Variants in TAF2 observed in about 807,000 individuals in gnomAD.
TAF2 encodes the protein transcription initiation factor TFIID subunit 2.
A neutral mutation model predicts 138.5 loss-of-function variants in TAF2; 61 were observed. The ratio of observed to expected loss-of-function variants is 0.44; its 90% CI spans 0.36 to 0.54. The LOEUF is 0.54. TAF2 is among the 20% of genes least tolerant of loss of function. The pLI is 0.00. For missense variants in TAF2, 1,090 were observed against 1,427.9 expected, an observed-to-expected ratio of 0.76 and a Z score of 3.81; for synonymous variants, 475 against 469.9, an observed-to-expected ratio of 1.01 and a Z score of -0.14.
intron 3 of TAF2, among the ~76,000 whole-genome samples, chr8:119,817,354 G>A (rs1825545478): frequency 6.6e-6 from 1 of 152,074 alleles, no homozygotes; most frequent in South Asian, 2.1e-4. Flanking sequence ...GATTCTCATA[G>A]GAGCCCAAAC....
At chr8:119,807,502 T>C (rs1002483003) in intron 3 of TAF2, among the ~76,000 whole-genome samples, 12 of 152,330 alleles carry the variant, frequency 7.9e-5, no homozygotes, top group African/African-American at 2.9e-4. Context: ...GAATACAAGA[T>C]GAAATACACA....
At chr8:119,804,649 C>G (rs1419342757) in intron 4 of TAF2, among the ~76,000 whole-genome samples, 1 of 152,188 alleles carries the variant, frequency 6.6e-6, no homozygotes, top group Non-Finnish European at 1.5e-5. Flanking sequence ...ATTGTGAGGT[C>G]TCCCCAGCCA....
intron 25 of TAF2, among the ~76,000 whole-genome samples, chr8:119,734,248 T>A (rs1176430151): frequency 6.6e-6 from 1 of 152,142 alleles, no homozygotes; most frequent in African/African-American, 2.4e-5. Context: ...TGGACTTCAG[T>A]GAAGGAATTT....
intron 8 of TAF2, among the ~76,000 whole-genome samples, chr8:119,795,880 C>G (rs1823789168): frequency 6.6e-6 from 1 of 151,946 alleles, no homozygotes; most frequent in South Asian, 2.1e-4. Flanking sequence ...TATAAATTAC[C>G]AGAGTACATG....
At chr8:119,778,263 C>A (rs1822396896) in intron 17 of TAF2, 134 bp from the exon 18 acceptor site, 1 of 587,946 alleles carries the variant, frequency 1.7e-6, no homozygotes, top group Non-Finnish European at 3.0e-6. Flanking sequence ...CACCTCCACA[C>A]CCCAACCCCT....
chr8:119,808,590 G>T (rs10098362), intron 3 of TAF2, among the ~76,000 whole-genome samples: 5,086 of 151,960 alleles, frequency 0.033, 161 homozygotes, highest in South Asian at 0.11. Context: ...ATCCCTCAGA[G>T]GAATCACTAT....
At chr8:119,760,782 T>C (rs182046290) in intron 19 of TAF2, 44 bp from the exon 20 acceptor site, 1 of 1,611,430 alleles carries the variant, frequency 6.2e-7, no homozygotes, top group East Asian at 2.2e-5. Flanking sequence ...ACTGAGGTAT[T>C]ATGAATCAGT....
intron 25 of TAF2, among the ~76,000 whole-genome samples, chr8:119,739,172 C>T (rs115141680): frequency 0.011 from 1,667 of 152,184 alleles, 31 homozygotes; most frequent in African/African-American, 0.038. Flanking sequence ...GCTCCTTGTT[C>T]CCCTTGCCCG....
intron 3 of TAF2, among the ~76,000 whole-genome samples, chr8:119,812,791 TAC>T (rs376990416): frequency 0.5 from 44,957 of 89,278 alleles, 7,763 homozygotes; most frequent in African/African-American, 0.61. Context: ...TGTGTGTATA[TAC>T]ACACATGTAT....
At chr8:119,732,714 GA>G (rs1818964413) in intron 25 of TAF2, among the ~76,000 whole-genome samples, 1 of 152,030 alleles carries the variant, frequency 6.6e-6, no homozygotes, top group South Asian at 2.1e-4. Flanking sequence ...TGAGGTAGGA[GA>G]ATCACTTGAA....
In TAF2 at chr8:119,781,178, C is replaced by A. The variant is rs1822625308; in HGVS notation, c.2128G>T (p.Val710Leu). Residue 710 changes from valine (V) to leucine (L), a missense_variant, in exon 17 of 26, where the codon GTG (valine) becomes TTG (leucine). By Grantham distance (32) the Val-to-Leu change is conservative. This residue lies in a region of TAF2 where 580 missense variants were observed against 719.6 expected (regional missense o/e 0.81). Transcript: ENST00000378164. ...GCTGGTGGTCCTGTCCATGTGCTCA[C>A]CATTGAATTTGCAATCTGCAAATAA... ...FCLAKIANSMVSTWTGPPAMK... is the reference protein window; with the variant it reads ...FCLAKIANSMLSTWTGPPAMK... 2.5e-6 allele frequency: 4 copies of A among 1,614,068 alleles called. No individual in the cohort carries two copies. The highest frequency in any genetic ancestry group is 1.7e-6 in the Non-Finnish European group (2 of 1,180,014).
chr8:119,773,953 C>T (rs928625986), intron 18 of TAF2, among the ~76,000 whole-genome samples: 12 of 151,646 alleles, frequency 7.9e-5, no homozygotes, highest in South Asian at 2.1e-4. Context: ...GGGTGGATCA[C>T]GAGGTCAGGA....
chr8:119,809,344 C>A (rs1352655065), intron 3 of TAF2, among the ~76,000 whole-genome samples: 1 of 152,196 alleles, frequency 6.6e-6, no homozygotes, highest in Non-Finnish European at 1.5e-5. Context: ...AAGCCTTGCT[C>A]TGGATTAGGC....
intron 14 of TAF2, among the ~76,000 whole-genome samples, chr8:119,787,461 T>G (rs748570278): frequency 5.3e-5 from 8 of 151,756 alleles, no homozygotes; most frequent in Non-Finnish European, 1.0e-4. Context: ...AAAGAAGACA[T>G]TTATGCGGCA....
intron 17 of TAF2, 139 bp from the exon 18 acceptor site, chr8:119,778,268 AC>A (rs1822398258): frequency 3.5e-6 from 2 of 576,630 alleles, no homozygotes; most frequent in Non-Finnish European, 6.2e-6. Flanking sequence ...CCACACCCCA[AC>A]CCCTCCCACT....
At chr8:119,745,065 A>G in intron 23 of TAF2, 1 of 456,030 alleles carries the variant, frequency 2.2e-6, no homozygotes, top group South Asian at 1.5e-5. Context: ...TCAAAATTAG[A>G]TTTCTGAAGA....
At chr8:119,796,561 T>C (rs1037927677) in intron 8 of TAF2, among the ~76,000 whole-genome samples, 8 of 152,072 alleles carry the variant, frequency 5.3e-5, no homozygotes, top group African/African-American at 1.9e-4. Flanking sequence ...TCCAATTGCT[T>C]TGAACACTGA....
intron 7 of TAF2, among the ~76,000 whole-genome samples, chr8:119,797,434 A>G (rs962305884): frequency 1.3e-5 from 2 of 150,552 alleles, no homozygotes; most frequent in African/African-American, 4.9e-5. Context: ...GAAAATACTA[A>G]TATTAGTTAA....
At chr8:119,734,539 C>G (rs527650584) in intron 25 of TAF2, among the ~76,000 whole-genome samples, 2 of 152,242 alleles carry the variant, frequency 1.3e-5, no homozygotes, top group Admixed American at 1.3e-4. Context: ...CTATATACTA[C>G]TCTAGGCTAA....
Sources: allele counts gnomAD v4.1 joint callset (sites outside exome capture counted in the v4.1 genomes callset), GRCh38; gene constraint gnomAD v4.1.1; regional missense constraint gnomAD v4.1.1; transcripts MANE v1.5; gene names NCBI Gene and HGNC (gene_info 2026-07-23, HGNC 2026-07-21).